Variants in KIAA1217 observed in about 807,000 individuals in gnomAD.
The protein encoded by KIAA1217 is sickle tail protein homolog.
A neutral mutation model predicts 163.9 loss-of-function variants in KIAA1217; 88 were observed. The ratio of observed to expected loss-of-function variants is 0.54; its 90% confidence interval spans 0.45 to 0.64. The LOEUF (loss-of-function observed/expected upper bound fraction) is 0.64, where lower values mean the gene tolerates loss of function less well. Ranked by LOEUF, KIAA1217 falls within the 30% of genes least tolerant of loss-of-function variation. The pLI is 0.00. For missense variants in KIAA1217, 2,372 were observed against 2,475.0 expected, an observed-to-expected ratio of 0.96 and a Z score of 0.88; for synonymous variants, 903 against 923.1, an observed-to-expected ratio of 0.98 and a Z score of 0.39.
At chr10:24,127,350 A>G (rs968063711) in intron 2 of KIAA1217, among the ~76,000 whole-genome samples, 1 of 152,100 alleles carries the variant, frequency 6.6e-6, no homozygotes, top group African/African-American at 2.4e-5. Context: ...CCTTGAAAAA[A>G]TTTTCAGGGA....
At chr10:23,920,166 GTTTGTTTTTGTT>G (rs146623097) in intron 1 of KIAA1217, among the ~76,000 whole-genome samples, 11 of 152,214 alleles carry the variant, frequency 7.2e-5, no homozygotes, top group African/African-American at 1.4e-4. Flanking sequence ...TTGTTTGTTT[GTTTGTTTTTGTT>G]TTTGTTTTTG....
chr10:23,886,872 A>G (rs1301214502), intron 1 of KIAA1217, among the ~76,000 whole-genome samples: 2 of 151,840 alleles, frequency 1.3e-5, no homozygotes, highest in African/African-American at 2.4e-5. Context: ...GAATTTACAG[A>G]TAAAATGTTA....
intron 1 of KIAA1217, among the ~76,000 whole-genome samples, chr10:23,708,819 G>A (rs1046601827): frequency 6.6e-5 from 10 of 152,188 alleles, no homozygotes; most frequent in Non-Finnish European, 1.3e-4. Flanking sequence ...AGTTCATGGA[G>A]AATGGATTAA....
intron 9 of KIAA1217, among the ~76,000 whole-genome samples, chr10:24,506,304 A>G (rs2068352432): frequency 6.6e-6 from 1 of 152,220 alleles, no homozygotes; most frequent in African/African-American, 2.4e-5. Context: ...AAATCAGTCC[A>G]ATTACATTAT....
intron 3 of KIAA1217, among the ~76,000 whole-genome samples, chr10:24,386,917 T>C (rs1339649943): frequency 6.6e-6 from 1 of 152,230 alleles, no homozygotes; most frequent in African/African-American, 2.4e-5. Flanking sequence ...AAAAGAAGTA[T>C]TGCTCTGTAG....
chr10:23,801,019 T>G (rs1377390803), intron 1 of KIAA1217, among the ~76,000 whole-genome samples: 2 of 152,150 alleles, frequency 1.3e-5, no homozygotes, highest in Admixed American at 6.5e-5. Context: ...TAAAGACACA[T>G]GTACATGTAT....
chr10:23,733,021 G>A (rs1486222322), intron 1 of KIAA1217, among the ~76,000 whole-genome samples: 1 of 147,828 alleles, frequency 6.8e-6, no homozygotes, highest in Non-Finnish European at 1.5e-5. Context: ...GTATGTTTTT[G>A]TTTTTTTTTT....
chr10:23,877,718 C>A (rs1406636299), intron 1 of KIAA1217, among the ~76,000 whole-genome samples: 1 of 151,944 alleles, frequency 6.6e-6, no homozygotes, highest in Non-Finnish European at 1.5e-5. Context: ...CTCTCAAAAG[C>A]TTTAACATTA....
chr10:23,930,178 G>A (rs1183732973), intron 1 of KIAA1217, among the ~76,000 whole-genome samples: 1 of 151,886 alleles, frequency 6.6e-6, no homozygotes, highest in Non-Finnish European at 1.5e-5. Context: ...TCGGTCACTA[G>A]TTTGTCTTCT....
intron 1 of KIAA1217, among the ~76,000 whole-genome samples, chr10:23,965,676 C>T (rs959544605): frequency 6.6e-6 from 1 of 152,184 alleles, no homozygotes; most frequent in African/African-American, 2.4e-5. Flanking sequence ...AAAGGCATAG[C>T]AGTAAATGGA....
At chr10:23,893,958 C>A (rs2131221946) in intron 1 of KIAA1217, among the ~76,000 whole-genome samples, 1 of 152,092 alleles carries the variant, frequency 6.6e-6, no homozygotes, top group East Asian at 1.9e-4. Context: ...GCTAAAAACT[C>A]TCAATAAATT....
intron 2 of KIAA1217, among the ~76,000 whole-genome samples, chr10:24,233,902 T>C (rs949606326): frequency 2.0e-5 from 3 of 152,238 alleles, no homozygotes; most frequent in African/African-American, 7.2e-5. Context: ...TCTCCCTGCG[T>C]TCCTAAGAAT....
rs1430962042 is a variant in KIAA1217, at chr10:24,332,837, T to A, written c.355-48032T>A. Reference sequence around the variant, plus strand: ...TAGATCCAGTGCTCATTCAAAATGTTCCATAACCTGCAAGATGGCAGGAAA... The same window carrying A: ...TAGATCCAGTGCTCATTCAAAATGTACCATAACCTGCAAGATGGCAGGAAA... On this transcript the variant is annotated intron_variant, in intron 2 of 20. Transcript: ENST00000376454. Among the ~76,000 whole-genome samples the A allele has an allele frequency of 2.0e-5, 3 of 152,136 alleles. No individual in the cohort carries two copies. In the East Asian group the frequency reaches 5.8e-4, roughly 29 times the overall value.
At chr10:24,155,094 C>T (rs566235113) in intron 2 of KIAA1217, among the ~76,000 whole-genome samples, 2 of 152,280 alleles carry the variant, frequency 1.3e-5, no homozygotes, top group South Asian at 4.1e-4. Context: ...GTACTTAAGG[C>T]ACTGCACTGT....
intron 1 of KIAA1217, among the ~76,000 whole-genome samples, chr10:23,918,967 T>G (rs1411692693): frequency 6.6e-6 from 1 of 151,996 alleles, no homozygotes; most frequent in East Asian, 1.9e-4. Flanking sequence ...AGGTCTCTGA[T>G]GAGTAAAGAA....
At chr10:23,900,832 T>G (rs1322023182) in intron 1 of KIAA1217, among the ~76,000 whole-genome samples, 1 of 152,096 alleles carries the variant, frequency 6.6e-6, no homozygotes, top group African/African-American at 2.4e-5. Flanking sequence ...CCAGTTGTCA[T>G]GGACTAGGGT....
chr10:24,404,437 T>G (rs923430120), intron 3 of KIAA1217, among the ~76,000 whole-genome samples: 6 of 151,866 alleles, frequency 4.0e-5, no homozygotes, highest in Non-Finnish European at 7.4e-5. Flanking sequence ...CATGGTGGTG[T>G]GTGCCTATAA....
intron 2 of KIAA1217, among the ~76,000 whole-genome samples, chr10:24,062,589 T>C (rs11013870): frequency 0.23 from 34,146 of 149,342 alleles, 7,999 homozygotes; most frequent in African/African-American, 0.62. Flanking sequence ...AATAGTGCCG[T>C]AATAAACATA....
chr10:24,093,818 A>G (rs1284199632), intron 2 of KIAA1217, among the ~76,000 whole-genome samples: 1 of 109,504 alleles, frequency 9.1e-6, no homozygotes, highest in Non-Finnish European at 1.7e-5. Flanking sequence ...ACCCCACAAC[A>G]GTCCCCAGAG....
Sources: gnomAD v4.1 joint callset for allele counts (sites outside exome capture counted in the v4.1 genomes callset) on GRCh38, gnomAD v4.1.1 for gene constraint, MANE v1.5 for transcripts, NCBI Gene and HGNC (gene_info 2026-07-23, HGNC 2026-07-21) for gene names.